Variants in KLHL26 observed in about 807,000 individuals in gnomAD.
KLHL26 encodes the protein kelch-like protein 26.
A neutral mutation model predicts 7.1 loss-of-function variants in KLHL26; 4 were observed. The ratio of observed to expected loss-of-function variants is 0.56; its 90% CI spans 0.28 to 1.28. The LOEUF is 1.28. Ranked by LOEUF, KLHL26 falls within the 50% of genes most tolerant of loss-of-function variation. KLHL26 has a pLI of 0.11. For missense variants in KLHL26, 896 were observed against 924.6 expected (o/e 0.97, Z 0.40); for synonymous variants, 465 against 414.1 (o/e 1.12, Z -1.49).
Position 18,668,084 on chromosome 19 carries a change from G to A in KLHL26, c.687G>A (p.Ala229=), listed in dbSNP as rs150852328. 78 of 1,605,286 alleles carry A rather than the reference G, an allele frequency of 4.9e-5. No individual in the cohort carries two copies. The African/African-American group carries it at 5.2e-4, about 11-fold the overall frequency. ...QSCAEIDLFR[A]AVRWLQHDPA... ...GTGCCGAGATCGACCTGTTCCGCGCGGCCGTCCGCTGGCTGCAGCATGACC... is the reference window on the plus strand; with the variant it reads ...GTGCCGAGATCGACCTGTTCCGCGCAGCCGTCCGCTGGCTGCAGCATGACC... The change falls in exon 3 of 3, where the codon GCG becomes GCA. Residue 229 remains alanine (A), a synonymous_variant. Transcript: ENST00000300976.
At chr19:18,663,553 G>A (rs991405075) in intron 1 of KLHL26, among the ~76,000 whole-genome samples, 3 of 152,160 alleles carry the variant, frequency 2.0e-5, no homozygotes, top group Non-Finnish European at 2.9e-5. Flanking sequence ...AGGAATGGGA[G>A]AGCAAATTCC....
At chr19:18,638,355 GGCACAGAGGAGGCAAAGGC>G (rs1976655451) in intron 1 of KLHL26, among the ~76,000 whole-genome samples, 1 of 152,214 alleles carries the variant, frequency 6.6e-6, no homozygotes, top group Admixed American at 6.5e-5. Flanking sequence ...GCTGGGCCAG[GGCACAGAGGAGGCAAAGGC>G]CCTGCCTGTT....
At position 18,669,260 on chromosome 19, in the gene KLHL26, G is replaced by A. The variant is rs530530941; in HGVS notation, c.*15G>A. ...CCAGGAGGTAGCCCCCAAGACCCCCGGGACCCTGGCCTGACCGCATGTTGT... is the reference window on the plus strand; with the variant it reads ...CCAGGAGGTAGCCCCCAAGACCCCCAGGACCCTGGCCTGACCGCATGTTGT... On this transcript the variant is annotated 3_prime_UTR_variant, in exon 3 of 3. Transcript: ENST00000300976. The A allele has an allele frequency of 7.8e-5, 124 of 1,597,248 alleles. No homozygotes were observed. In the East Asian group the frequency reaches 1.1e-3, roughly 15 times the overall value.
At position 18,667,678 on chromosome 19, in the gene KLHL26, G is replaced by A. The variant is rs779714561; in HGVS notation, c.281G>A (p.Gly94Asp). The change falls in exon 3 of 3, where the codon GGC becomes GAC. Residue 94 changes from glycine to aspartate, a missense_variant. Physicochemically the swap from Gly to Asp is moderately conservative, Grantham distance 94 (BLOSUM62 -1). Coordinates refer to ENST00000300976, the MANE Select transcript of KLHL26 (RefSeq NM_018316.3). Reference sequence around the variant, plus strand: ...CTGCCCTTCAGGGCCATGTTCACCGGCGGCATGCGGGAGGCAAGCCAGGAC... The same window carrying A: ...CTGCCCTTCAGGGCCATGTTCACCGACGGCATGCGGGAGGCAAGCCAGGAC... ...CSDYFRAMFT[G>D]GMREASQDVI... The A allele has an allele frequency of 7.4e-6, 12 of 1,611,472 alleles. No homozygotes were observed. The highest frequency in any genetic ancestry group is 1.7e-5 in the Admixed American group (1 of 59,958).
intron 2 of KLHL26, among the ~76,000 whole-genome samples, chr19:18,667,028 C>T (rs888359152): frequency 3.9e-5 from 6 of 152,242 alleles, no homozygotes; most frequent in Non-Finnish European, 7.3e-5. Flanking sequence ...GGCCACCGCT[C>T]CTGCAGCTCC....
rs1230450173 is a variant in KLHL26 at position 18,650,048 on chromosome 19, A to T, written c.83+12911A>T. 6.6e-6 allele frequency among the ~76,000 whole-genome samples: 1 copy of T among 152,232 alleles called. No individual in the cohort carries two copies. The highest frequency in any genetic ancestry group is 1.9e-4 in the East Asian group (1 of 5,198). On this transcript the variant is annotated intron_variant, in intron 1 of 2. Transcript: ENST00000300976. The surrounding 1 kb of genome is among the most constrained non-coding windows in gnomAD (Gnocchi z 4.2). ...AGGGCAAGGGCTTCCGGAATTGAAC[A>T]GGCTGGGCCTGGAGGAGATCTTGAG...
Position 18,669,211 on chromosome 19 carries a change from C to G in KLHL26, c.1814C>G (p.Pro605Arg), listed in dbSNP as rs777082433. Residue 605 changes from proline to arginine, a missense_variant, in exon 3 of 3, where the codon CCC becomes CGC. Coordinates refer to ENST00000300976, the MANE Select transcript of KLHL26 (RefSeq NM_018316.3). ...TCCTTCGCAGGCATAGCCTGCGCCC[C>G]CGTCCTGCTGCCCCGGGCCGGGACC... ...PESFAGIACA[P>R]VLLPRAGTRR The G allele has an allele frequency of 6.2e-7, 1 of 1,611,766 alleles. No homozygotes were observed. Among genetic ancestry groups the G allele is most frequent in the Non-Finnish European group, 8.5e-7 (1 of 1,179,914 alleles).
chr19:18,660,801 T>C (rs1042738737), intron 1 of KLHL26, among the ~76,000 whole-genome samples: 1 of 152,144 alleles, frequency 6.6e-6, no homozygotes, highest in East Asian at 1.9e-4. Flanking sequence ...TCAGGGACAG[T>C]TGTCCCATCC....
At chr19:18,660,036 GCAGGTGGTCC>G (rs2052376576) in intron 1 of KLHL26, among the ~76,000 whole-genome samples, 1 of 152,230 alleles carries the variant, frequency 6.6e-6, no homozygotes, top group African/African-American at 2.4e-5. Context: ...TCAGTAGTGA[GCAGGTGGTCC>G]CAGGGCAACC....
rs1330519544 is a variant in KLHL26, at chr19:18,649,982, A to C, written c.83+12845A>C. Among the ~76,000 whole-genome samples the C allele has an allele frequency of 1.3e-5, 2 of 152,150 alleles. No individual in the cohort carries two copies. The highest frequency in any genetic ancestry group is 2.9e-5 in the Non-Finnish European group (2 of 68,026). On this transcript the variant is annotated intron_variant, in intron 1 of 2. Transcript: ENST00000300976. This position sits in a 1 kb window ranked among gnomAD's most constrained non-coding sequence, Gnocchi z 4.0. The stretch of plus-strand genomic sequence containing the variant: ...ACTGAAAATATTGTGATCTGGGAGG[A>C]AGTAACCAGCACCTTGGGGGAATCA...
intron 1 of KLHL26, among the ~76,000 whole-genome samples, chr19:18,645,446 G>A (rs1976785523): frequency 6.6e-6 from 1 of 152,156 alleles, no homozygotes; most frequent in African/African-American, 2.4e-5. Context: ...CAGGCTCACT[G>A]AGTCATGCTG....
In KLHL26 at chr19:18,671,676, A is replaced by G. The variant is rs150833547; in HGVS notation, c.*2431A>G. 83 of 148,452 alleles carry G rather than the reference A, an allele frequency of 5.6e-4. No individual in the cohort carries two copies. The highest frequency in any genetic ancestry group is 3.4e-3 in the Middle Eastern group (1 of 290). The allele number at this position is 148,452 out of a possible 1,614,324, so 9.2% of individuals were successfully genotyped here. On this transcript the variant is annotated 3_prime_UTR_variant, in exon 3 of 3. Coordinates refer to ENST00000300976, the MANE Select transcript of KLHL26 (RefSeq NM_018316.3). ...CCAAGAAAGGAAAATTATTTTTCGT[A>G]TTGTAAACTTTAAACATGAAAAAGC...
Position 18,668,240 on chromosome 19 carries a change from G to C in KLHL26, c.843G>C (p.Leu281=). The C allele has an allele frequency of 6.2e-7, 1 of 1,612,196 alleles. No homozygotes were observed. Among genetic ancestry groups the C allele is most frequent in the Non-Finnish European group, 8.5e-7 (1 of 1,179,872 alleles). Residue 281 remains leucine (L), a synonymous_variant, in exon 3 of 3, where the codon CTG becomes CTC. Transcript: ENST00000300976. The stretch of plus-strand genomic sequence containing the variant: ...AGGACGTGCTGTGCCGCCAGTATCT[G>C]CTGGAGGCCTTCAACTACCAGGTGC... ...MVEDVLCRQY[L]LEAFNYQVLP...
At position 18,664,244 on chromosome 19, in the gene KLHL26, C is replaced by T; in HGVS notation, c.84-17C>T. On this transcript the variant is annotated splice_polypyrimidine_tract_variant and intron_variant, in intron 1 of 2. Coordinates refer to ENST00000300976, the MANE Select transcript of KLHL26 (RefSeq NM_018316.3). ...GTGAACCTCTGGGCCATGTCCCCAC[C>T]TCTGCTTTCCCCGCAGCACGGCCGA... 1 of 1,583,278 alleles carries T rather than the reference C, an allele frequency of 6.3e-7. No individual in the cohort carries two copies. The highest frequency in any genetic ancestry group is 1.7e-5 in the Admixed American group (1 of 57,344).
intron 1 of KLHL26, among the ~76,000 whole-genome samples, chr19:18,660,583 C>A (rs891485663): frequency 6.6e-6 from 1 of 152,202 alleles, no homozygotes; most frequent in Non-Finnish European, 1.5e-5. Context: ...TCCCAGTGGC[C>A]GGCTGGAGAG....
At position 18,668,558 on chromosome 19, in the gene KLHL26, C is replaced by T. The variant is rs1342060665; in HGVS notation, c.1161C>T (p.Asp387=). 1.9e-6 allele frequency: 3 copies of T among 1,594,442 alleles called. No individual in the cohort carries two copies. Among genetic ancestry groups the T allele is most frequent in the East Asian group, 2.2e-5 (1 of 44,680 alleles). The change falls in exon 3 of 3, where the codon GAC becomes GAT. Residue 387 remains aspartate (D), a synonymous_variant. Transcript: ENST00000300976. ...CAGTGGACGCCTGCTACCGCTACGACCCCCACCTGAATCGCTGGCTGCGCC... is the reference window on the plus strand; with the variant it reads ...CAGTGGACGCCTGCTACCGCTACGATCCCCACCTGAATCGCTGGCTGCGCC... ...EGAVDACYRY[D]PHLNRWLRLQ...
rs763027479 is a variant in KLHL26, at chr19:18,655,614, C to T, written c.84-8647C>T. On this transcript the variant is annotated intron_variant, in intron 1 of 2. Coordinates refer to ENST00000300976, the MANE Select transcript of KLHL26 (RefSeq NM_018316.3). ...AGACTGCACAGACTGGGTGCTCCCT[C>T]GGTCCGTGAAGACTGTTCTGATGGA... Among the ~76,000 whole-genome samples the T allele has an allele frequency of 4.5e-5, 6 of 133,950 alleles. No individual in the cohort carries two copies. The East Asian group carries it at 5.8e-4, about 13-fold the overall frequency. The allele number at this position is 133,950 out of a possible 152,430, so 87.9% of individuals were successfully genotyped here.
chr19:18,665,927 T>G (rs1190955576), intron 2 of KLHL26, among the ~76,000 whole-genome samples: 1 of 152,100 alleles, frequency 6.6e-6, no homozygotes, highest in African/African-American at 2.4e-5. Context: ...ATGAGGCTGT[T>G]GTGGGGGCCG....
chr19:18,663,146 TG>T (rs2052408678), intron 1 of KLHL26, among the ~76,000 whole-genome samples: 1 of 152,194 alleles, frequency 6.6e-6, no homozygotes, highest in South Asian at 2.1e-4. Context: ...GGCCCCACAC[TG>T]GGTCCTTCGT....
Sources: gnomAD v4.1 joint callset for allele counts (sites outside exome capture counted in the v4.1 genomes callset) on GRCh38, gnomAD v4.1.1 for gene constraint, Gnocchi (gnomAD v3.1) non-coding constraint, MANE v1.5 for transcripts, NCBI Gene and HGNC (gene_info 2026-07-23, HGNC 2026-07-21) for gene names.